Variants in PKIB observed in about 807,000 individuals in gnomAD.
PKIB encodes the protein PKI-beta.
A neutral mutation model predicts 4.5 loss-of-function variants in PKIB; 2 were observed. The ratio of observed to expected loss-of-function variants is 0.44; its 90% confidence interval spans 0.18 to 1.39. The LOEUF (loss-of-function observed/expected upper bound fraction) is 1.39. PKIB is among the 40% of genes most tolerant of loss of function. The pLI is 0.27. For synonymous variants in PKIB, 38 were observed against 36.0 expected, an observed-to-expected ratio of 1.06 and a Z score of -0.20; for missense variants, 94 against 92.6, an observed-to-expected ratio of 1.02 and a Z score of -0.06.
chr6:122,505,861 T>G (rs1776380387), intron 2 of PKIB, among the ~76,000 whole-genome samples: 2 of 152,178 alleles, frequency 1.3e-5, no homozygotes, highest in Admixed American at 1.3e-4. Flanking sequence ...ACAGTCTATA[T>G]AAGATTATTT....
intron 3 of PKIB, among the ~76,000 whole-genome samples, chr6:122,605,112 A>T (rs113356640): frequency 7.2e-5 from 11 of 152,140 alleles, no homozygotes; most frequent in Middle Eastern, 3.4e-3. Flanking sequence ...GCCCTAGGCC[A>T]CTCTGTCACC....
intron 2 of PKIB, among the ~76,000 whole-genome samples, chr6:122,633,971 TATCC>T (rs1171718782): frequency 1.3e-5 from 2 of 151,866 alleles, no homozygotes; most frequent in Non-Finnish European, 2.9e-5. Context: ...TCTATCTATC[TATCC>T]ATCTATCTAT....
intron 2 of PKIB, among the ~76,000 whole-genome samples, chr6:122,575,511 C>T (rs1232359312): frequency 2.0e-5 from 3 of 151,470 alleles, no homozygotes; most frequent in Non-Finnish European, 1.5e-5. Context: ...GATATTAAAC[C>T]AACCTAAGCG....
At chr6:122,512,170 A>G (rs765179552) in intron 2 of PKIB, among the ~76,000 whole-genome samples, 23 of 152,230 alleles carry the variant, frequency 1.5e-4, no homozygotes, top group Non-Finnish European at 2.8e-4. Flanking sequence ...TAATTCAAGT[A>G]ATATAAAATG....
chr6:122,471,968 T>A, exon 1 of PKIB: 2 of 1,017,204 alleles, frequency 2.0e-6, no homozygotes, highest in Non-Finnish European at 2.7e-6. Flanking sequence ...TCCTGGAGAA[T>A]TTCTCAAGGA....
intron 3 of PKIB, among the ~76,000 whole-genome samples, chr6:122,712,981 G>A (rs1272241368): frequency 6.6e-6 from 1 of 152,076 alleles, no homozygotes; most frequent in Non-Finnish European, 1.5e-5. Flanking sequence ...TTTTTTAATA[G>A]CCTTTAGTGC....
intron 2 of PKIB, among the ~76,000 whole-genome samples, chr6:122,538,120 C>T (rs2114630037): frequency 6.6e-6 from 1 of 152,044 alleles, no homozygotes; most frequent in East Asian, 1.9e-4. Context: ...TTCTTCCATT[C>T]TGTAGGTTAC....
intron 3 of PKIB, among the ~76,000 whole-genome samples, chr6:122,594,444 A>T (rs555078607): frequency 3.4e-4 from 52 of 152,286 alleles, no homozygotes; most frequent in African/African-American, 1.2e-3. Flanking sequence ...TGACCTCATG[A>T]TCTGCCCGCC....
At chr6:122,504,982 C>T (rs377690775) in intron 2 of PKIB, among the ~76,000 whole-genome samples, 1 of 152,020 alleles carries the variant, frequency 6.6e-6, no homozygotes, top group Non-Finnish European at 1.5e-5. Context: ...CAAAACGCCC[C>T]GAGCTCTGGT....
rs150266584 is a variant in PKIB, at chr6:122,567,053, G to A, written c.-247-18868G>A. On this transcript the variant is annotated intron_variant, in intron 2 of 6. Transcript: ENST00000392491. ...TTTACAATGTCCTCAGAAATATATA[G>A]AGGTAAAAATTTCAATAGGCTGTCA... is the stretch of plus-strand genomic sequence containing the variant. Among the ~76,000 whole-genome samples the A allele has an allele frequency of 8.9e-3, 1,362 of 152,230 alleles. 24 individuals are homozygous for A. The highest frequency in any genetic ancestry group is 0.03 in the African/African-American group (1,244 of 41,528).
intron 2 of PKIB, among the ~76,000 whole-genome samples, chr6:122,552,867 G>C (rs763082948): frequency 6.6e-6 from 1 of 152,172 alleles, no homozygotes; most frequent in African/African-American, 2.4e-5. Context: ...TTTAGGGCTA[G>C]TGGTGGGGTT....
chr6:122,581,436 A>C (rs1773700407), intron 2 of PKIB, among the ~76,000 whole-genome samples: 1 of 152,134 alleles, frequency 6.6e-6, no homozygotes, highest in Admixed American at 6.6e-5. Context: ...AAGCATGAAA[A>C]GCTGAAAAGA....
intron 3 of PKIB, among the ~76,000 whole-genome samples, chr6:122,678,723 G>T (rs1007597678): frequency 2.0e-5 from 3 of 152,106 alleles, no homozygotes; most frequent in Admixed American, 6.5e-5. Flanking sequence ...ATTGTTGCAG[G>T]AATGTTTGCA....
chr6:122,501,313 C>G (rs113749421), intron 2 of PKIB, among the ~76,000 whole-genome samples: 5 of 152,290 alleles, frequency 3.3e-5, no homozygotes, highest in African/African-American at 9.6e-5. Context: ...GGTAAATGCT[C>G]TCATTCCAAA....
chr6:122,701,552 A>G, intron 3 of PKIB: 1 of 1,572,802 alleles, frequency 6.4e-7, no homozygotes, highest in Non-Finnish European at 8.6e-7. Context: ...GCAGAGTTAA[A>G]AGAGATGGCA....
chr6:122,640,000 C>G (rs1349793213), intron 2 of PKIB, among the ~76,000 whole-genome samples: 1 of 152,170 alleles, frequency 6.6e-6, no homozygotes, highest in Non-Finnish European at 1.5e-5. Context: ...AGCTTTGTCA[C>G]TTACTCTTAG....
intron 2 of PKIB, among the ~76,000 whole-genome samples, chr6:122,504,819 A>T (rs904902136): frequency 2.0e-5 from 3 of 152,202 alleles, no homozygotes; most frequent in Non-Finnish European, 4.4e-5. Context: ...AAAGATTTCA[A>T]TGCAGACACT....
chr6:122,574,856 A>G (rs1194296830), intron 2 of PKIB, among the ~76,000 whole-genome samples: 1 of 152,208 alleles, frequency 6.6e-6, no homozygotes, highest in South Asian at 2.1e-4. Flanking sequence ...TTCATTATTA[A>G]TATCCCAAAA....
At chr6:122,530,301 C>T (rs1777218745) in intron 2 of PKIB, among the ~76,000 whole-genome samples, 1 of 152,054 alleles carries the variant, frequency 6.6e-6, no homozygotes, top group African/African-American at 2.4e-5. Context: ...ATTGACTTGT[C>T]CATATTCTAA....
Sources: gnomAD v4.1 joint callset for allele counts (sites outside exome capture counted in the v4.1 genomes callset) on GRCh38, gnomAD v4.1.1 for gene constraint, MANE v1.5 for transcripts, NCBI Gene and HGNC (gene_info 2026-07-23, HGNC 2026-07-21) for gene names.